Variants in TMEM132D observed in about 807,000 individuals in gnomAD.
TMEM132D encodes the protein mature OL transmembrane protein.
Under a neutral mutation model 62.3 loss-of-function variants are expected in TMEM132D, and 21 were observed. The ratio of observed to expected loss-of-function variants is 0.34; its 90% CI spans 0.24 to 0.49. TMEM132D has a LOEUF of 0.49. Ranked by LOEUF, TMEM132D falls within the 20% of genes least tolerant of loss-of-function variation. The probability of loss-of-function intolerance (pLI) is 0.99; values close to 1 mark genes in which losing one functional copy is unlikely to be tolerated. For synonymous variants in TMEM132D, 621 were observed against 575.6 expected, an observed-to-expected ratio of 1.08 and a Z score of -1.13; for missense variants, 1,346 against 1,402.8, an observed-to-expected ratio of 0.96 and a Z score of 0.65.
intron 1 of TMEM132D, among the ~76,000 whole-genome samples, chr12:129,733,338 G>A (rs1300482251): frequency 1.3e-5 from 2 of 152,122 alleles, no homozygotes; most frequent in Non-Finnish European, 2.9e-5. Flanking sequence ...GAAGTAAATT[G>A]CATTGTAGGT....
chr12:129,139,885 AT>A (rs1018124252), intron 5 of TMEM132D, among the ~76,000 whole-genome samples: 66 of 145,274 alleles, frequency 4.5e-4, no homozygotes, highest in South Asian at 8.8e-4. Context: ...TAATTTTTGT[AT>A]TTTTTTTTTT....
chr12:129,107,445 A>G (rs77426359), intron 5 of TMEM132D, among the ~76,000 whole-genome samples: 2,680 of 152,358 alleles, frequency 0.018, 38 homozygotes, highest in Middle Eastern at 0.034. Context: ...ACCACGTGAG[A>G]AAACATCTCT....
At chr12:129,180,090 A>G (rs923562138) in intron 5 of TMEM132D, among the ~76,000 whole-genome samples, 1 of 152,216 alleles carries the variant, frequency 6.6e-6, no homozygotes, top group South Asian at 2.1e-4. Flanking sequence ...CATAAATGGC[A>G]GAATCTGGCC....
chr12:129,672,804 A>G (rs1251940245), intron 2 of TMEM132D, among the ~76,000 whole-genome samples: 1 of 152,092 alleles, frequency 6.6e-6, no homozygotes, highest in Non-Finnish European at 1.5e-5. Context: ...CTGGAGTGCA[A>G]TGGCACTATC....
chr12:129,527,708 A>G (rs772236726), intron 3 of TMEM132D, among the ~76,000 whole-genome samples: 12 of 152,354 alleles, frequency 7.9e-5, no homozygotes, highest in Non-Finnish European at 1.5e-4. Context: ...AAGTTAACAT[A>G]GGAGTATACT....
intron 2 of TMEM132D, among the ~76,000 whole-genome samples, chr12:129,537,514 A>T (rs533632596): frequency 6.6e-6 from 1 of 152,290 alleles, no homozygotes; most frequent in Non-Finnish European, 1.5e-5. Flanking sequence ...CATGGGGCTT[A>T]AATGCTCCTG....
In TMEM132D at chr12:129,282,751, G is replaced by A. The variant is rs1881190707; in HGVS notation, c.1299+54883C>T. ...GCATATCTGAGTTACTGAGATGACGGTTGTACCCAGGAGACCTCAAGCGTG... is the reference window on the plus strand; with the variant it reads ...GCATATCTGAGTTACTGAGATGACGATTGTACCCAGGAGACCTCAAGCGTG... On this transcript the variant is annotated intron_variant, in intron 4 of 8. Transcript: ENST00000422113. Among the ~76,000 whole-genome samples the A allele has an allele frequency of 2.6e-5, 4 of 152,266 alleles. No homozygotes were observed. The South Asian group carries it at 8.3e-4, about 32-fold the overall frequency.
At chr12:129,244,937 G>C (rs12425731) in intron 4 of TMEM132D, among the ~76,000 whole-genome samples, 1 of 152,014 alleles carries the variant, frequency 6.6e-6, no homozygotes, top group East Asian at 1.9e-4. Context: ...CACCACGCCC[G>C]GCCTGGTGTT....
At chr12:129,134,786 T>A (rs1318918447) in intron 5 of TMEM132D, among the ~76,000 whole-genome samples, 1 of 152,154 alleles carries the variant, frequency 6.6e-6, no homozygotes, top group Non-Finnish European at 1.5e-5. Flanking sequence ...TGATTCCTCT[T>A]GTGGCCATGT....
At chr12:129,181,929 T>C (rs1878078099) in intron 5 of TMEM132D, among the ~76,000 whole-genome samples, 1 of 152,202 alleles carries the variant, frequency 6.6e-6, no homozygotes, top group Non-Finnish European at 1.5e-5. Flanking sequence ...TTCTCTGTTT[T>C]CTCACCACCA....
intron 4 of TMEM132D, among the ~76,000 whole-genome samples, chr12:129,223,565 C>A (rs1401763346): frequency 6.6e-6 from 1 of 152,134 alleles, no homozygotes; most frequent in Non-Finnish European, 1.5e-5. Context: ...AGCCATATGG[C>A]AGAACATAAT....
intron 4 of TMEM132D, among the ~76,000 whole-genome samples, chr12:129,269,684 A>AC (rs35033687): frequency 4.7e-5 from 7 of 147,968 alleles, no homozygotes; most frequent in African/African-American, 1.3e-4. Context: ...ACTTAACAAA[A>AC]CCCCCCCAGT....
intron 1 of TMEM132D, among the ~76,000 whole-genome samples, chr12:129,820,165 C>A (rs1872503699): frequency 6.6e-6 from 1 of 152,322 alleles, no homozygotes; most frequent in East Asian, 1.9e-4. Context: ...GTCCCTCAAG[C>A]AGCCTGAATC....
intron 2 of TMEM132D, among the ~76,000 whole-genome samples, chr12:129,688,436 A>G (rs1008194803): frequency 1.3e-5 from 2 of 152,104 alleles, no homozygotes; most frequent in Admixed American, 6.5e-5. Flanking sequence ...GGTCCTAATG[A>G]GCCATTGCTA....
intron 2 of TMEM132D, among the ~76,000 whole-genome samples, chr12:129,555,759 C>T (rs1877037442): frequency 6.6e-6 from 1 of 152,254 alleles, no homozygotes; most frequent in Admixed American, 6.5e-5. Flanking sequence ...AAAGAAAACA[C>T]TCATTGATTA....
intron 5 of TMEM132D, among the ~76,000 whole-genome samples, chr12:129,101,294 A>G (rs1275335962): frequency 1.3e-5 from 2 of 152,198 alleles, no homozygotes; most frequent in African/African-American, 2.4e-5. Context: ...CGATTTGCCA[A>G]TTCCTGTAGT....
intron 4 of TMEM132D, among the ~76,000 whole-genome samples, chr12:129,233,653 T>C (rs1361172383): frequency 6.6e-6 from 1 of 152,052 alleles, no homozygotes; most frequent in Admixed American, 6.6e-5. Flanking sequence ...TGAGACAGAG[T>C]TTCACTCTTG....
chr12:129,110,663 G>A (rs1050039908), intron 5 of TMEM132D: 4 of 152,278 alleles, frequency 2.6e-5, no homozygotes, highest in Admixed American at 2.0e-4. Flanking sequence ...GCTGCCAGGG[G>A]AAGGACCAAG....
chr12:129,379,535 C>T (rs554622406), intron 3 of TMEM132D, among the ~76,000 whole-genome samples: 336 of 152,316 alleles, frequency 2.2e-3, no homozygotes, highest in Middle Eastern at 0.017. Context: ...CTGGCCTGTC[C>T]TACCCTGGCA....
Sources: allele counts gnomAD v4.1 joint callset (sites outside exome capture counted in the v4.1 genomes callset), GRCh38; gene constraint gnomAD v4.1.1; transcripts MANE v1.5; gene names NCBI Gene and HGNC (gene_info 2026-07-23, HGNC 2026-07-21).